Variants in TMEM108 observed in about 807,000 individuals in gnomAD.
The protein encoded by TMEM108 is transmembrane protein 108.
A neutral mutation model predicts 35.1 loss-of-function variants in TMEM108; 12 were observed. The observed-to-expected ratio is 0.34, with a 90% CI of 0.22 to 0.55. The LOEUF (loss-of-function observed/expected upper bound fraction) is 0.55, where lower values mean the gene tolerates loss of function less well. Among genes scored for constraint, TMEM108 ranks in the 20% least tolerant of loss-of-function variants. The pLI is 0.89. For synonymous variants in TMEM108, 287 were observed against 308.6 expected, an observed-to-expected ratio of 0.93 and a Z score of 0.73; for missense variants, 680 against 753.3, an observed-to-expected ratio of 0.90 and a Z score of 1.14.
At chr3:133,165,511 A>G (rs1031976112) in intron 2 of TMEM108, among the ~76,000 whole-genome samples, 3 of 152,216 alleles carry the variant, frequency 2.0e-5, no homozygotes, top group African/African-American at 4.8e-5. Flanking sequence ...AAAAGACTAT[A>G]GACTGTTTTG....
intron 3 of TMEM108, among the ~76,000 whole-genome samples, chr3:133,230,300 A>ACAGGG (rs1418414894): frequency 6.6e-6 from 1 of 152,202 alleles, no homozygotes; most frequent in Admixed American, 6.5e-5. Flanking sequence ...CCCAGTGCAA[A>ACAGGG]GCACTTCATC....
chr3:133,089,973 G>A (rs1943928828), intron 2 of TMEM108, among the ~76,000 whole-genome samples: 1 of 152,158 alleles, frequency 6.6e-6, no homozygotes, highest in East Asian at 1.9e-4. Context: ...GGAATTTAAA[G>A]GCAAGTTCTT....
At chr3:133,083,082 G>T (rs993136339) in intron 2 of TMEM108, among the ~76,000 whole-genome samples, 1 of 152,130 alleles carries the variant, frequency 6.6e-6, no homozygotes, top group Non-Finnish European at 1.5e-5. Context: ...AGCCAGTGGT[G>T]CTGGGATTTG....
At chr3:133,083,170 GC>G (rs201976584) in intron 2 of TMEM108, among the ~76,000 whole-genome samples, 4,180 of 136,088 alleles carry the variant, frequency 0.031, 36 homozygotes, top group South Asian at 0.07. Flanking sequence ...TACTTGGAAA[GC>G]CCCCCCCCAC....
At chr3:133,050,969 T>C (rs1943397408) in intron 2 of TMEM108, among the ~76,000 whole-genome samples, 1 of 144,440 alleles carries the variant, frequency 6.9e-6, no homozygotes, top group African/African-American at 2.5e-5. Flanking sequence ...TATAAAAATC[T>C]GTGTGCGAGT....
intron 3 of TMEM108, among the ~76,000 whole-genome samples, chr3:133,241,764 G>A (rs536100772): frequency 9.9e-5 from 15 of 151,866 alleles, no homozygotes; most frequent in Non-Finnish European, 2.2e-4. Context: ...ACAGGTGCAC[G>A]CCACCACGCC....
chr3:133,135,624 A>G (rs553480773), intron 2 of TMEM108, among the ~76,000 whole-genome samples: 2 of 152,180 alleles, frequency 1.3e-5, no homozygotes, highest in South Asian at 4.1e-4. Flanking sequence ...TTAGAGGTAA[A>G]CTGTGTGACT....
chr3:133,085,895 G>A (rs983336021), intron 2 of TMEM108, among the ~76,000 whole-genome samples: 13 of 152,028 alleles, frequency 8.6e-5, no homozygotes, highest in Non-Finnish European at 1.6e-4. Context: ...CAGCCTTCAA[G>A]AGCAATATTT....
At chr3:133,130,716 C>T (rs937721223) in intron 2 of TMEM108, among the ~76,000 whole-genome samples, 1 of 152,186 alleles carries the variant, frequency 6.6e-6, no homozygotes, top group Non-Finnish European at 1.5e-5. Context: ...AAGTTTCTCA[C>T]AATCTTGCAG....
intron 3 of TMEM108, among the ~76,000 whole-genome samples, chr3:133,363,436 G>C (rs1009814039): frequency 6.6e-6 from 1 of 150,700 alleles, no homozygotes; most frequent in Non-Finnish European, 1.5e-5. Context: ...TTTTGAGACA[G>C]GATCTTGCTC....
At chr3:133,306,084 G>A (rs953711566) in intron 3 of TMEM108, among the ~76,000 whole-genome samples, 21 of 151,894 alleles carry the variant, frequency 1.4e-4, no homozygotes, top group African/African-American at 4.1e-4. Flanking sequence ...AGTACTTTTC[G>A]AAGCACAAAA....
chr3:133,206,860 C>T (rs4498042), intron 2 of TMEM108, among the ~76,000 whole-genome samples: 5,166 of 152,298 alleles, frequency 0.034, 267 homozygotes, highest in African/African-American at 0.11. Context: ...CCCTTCAGAG[C>T]TGGCATGTAG....
At chr3:133,174,940 C>T (rs547817465) in intron 2 of TMEM108, among the ~76,000 whole-genome samples, 3 of 152,134 alleles carry the variant, frequency 2.0e-5, no homozygotes, top group African/African-American at 4.8e-5. Flanking sequence ...AAAAATTAGA[C>T]GAATGGATAA....
At chr3:133,211,714 T>C (rs1224279984) in intron 2 of TMEM108, among the ~76,000 whole-genome samples, 2 of 152,164 alleles carry the variant, frequency 1.3e-5, no homozygotes, top group Non-Finnish European at 2.9e-5. Context: ...CCTCAGTGGC[T>C]GTGGAGAGCA....
intron 2 of TMEM108, among the ~76,000 whole-genome samples, chr3:133,136,935 G>A (rs1944572876): frequency 6.6e-6 from 1 of 152,150 alleles, no homozygotes; most frequent in African/African-American, 2.4e-5. Flanking sequence ...GACTCAGGAG[G>A]AAAAGTGTCA....
chr3:133,194,256 A>G (rs979410843), intron 2 of TMEM108, among the ~76,000 whole-genome samples: 1 of 152,102 alleles, frequency 6.6e-6, no homozygotes, highest in African/African-American at 2.4e-5. Context: ...CCTAAATCAT[A>G]TCAACTTCTA....
At chr3:133,212,175 G>A (rs1326426150) in intron 2 of TMEM108, among the ~76,000 whole-genome samples, 2 of 152,134 alleles carry the variant, frequency 1.3e-5, no homozygotes, top group African/African-American at 2.4e-5. Flanking sequence ...AATTATGAAA[G>A]CCTCTCTAAA....
At chr3:133,106,490 C>T (rs1944154914) in intron 2 of TMEM108, among the ~76,000 whole-genome samples, 1 of 152,132 alleles carries the variant, frequency 6.6e-6, no homozygotes, top group African/African-American at 2.4e-5. Flanking sequence ...TAGAGCTAGC[C>T]TCCAGGGTGG....
Position 133,397,000 on chromosome 3 carries a change from G to A in TMEM108, c.*1014G>A, listed in dbSNP as rs1327087546. 6.6e-6 allele frequency: 1 copy of A among 152,156 alleles called. No individual in the cohort carries two copies. The highest frequency in any genetic ancestry group is 6.5e-5 in the Admixed American group (1 of 15,284). 9.4% of individuals were successfully genotyped at this position (152,156 alleles called of 1,614,324 possible). ...TGCCCAAACAAATCATTTGGGAGAA[G>A]ACATCATTATACTCCTACTTGGCAC... On this transcript the variant is annotated 3_prime_UTR_variant, in exon 6 of 6. Coordinates refer to ENST00000321871, the MANE Select transcript of TMEM108 (RefSeq NM_023943.4).
Sources: gnomAD v4.1 joint callset for allele counts (sites outside exome capture counted in the v4.1 genomes callset) on GRCh38, gnomAD v4.1.1 for gene constraint, MANE v1.5 for transcripts, NCBI Gene and HGNC (gene_info 2026-07-23, HGNC 2026-07-21) for gene names.